Variants in MAML3 observed in about 807,000 individuals in gnomAD.
MAML3 encodes mastermind-like protein 3.
Under a neutral mutation model 101.9 loss-of-function variants are expected in MAML3, and 27 were observed. That is an observed-to-expected ratio of 0.27 (90% CI 0.20 to 0.37). The LOEUF (loss-of-function observed/expected upper bound fraction) is 0.37. Ranked by LOEUF, MAML3 falls within the 10% of genes least tolerant of loss-of-function variation. The pLI, the probability that MAML3 is intolerant of heterozygous loss-of-function variation, is 1.00. For missense variants in MAML3, 1,316 were observed against 1,444.9 expected (o/e 0.91, Z 1.45); for synonymous variants, 501 against 555.9 (o/e 0.90, Z 1.39).
intron 2 of MAML3, among the ~76,000 whole-genome samples, chr4:139,873,041 C>T (rs980965105): frequency 6.6e-6 from 1 of 152,054 alleles, no homozygotes; most frequent in Admixed American, 6.6e-5. Context: ...GAGATTGTGC[C>T]ACTGCACTCC....
chr4:139,797,703 C>T (rs913373349), intron 2 of MAML3, among the ~76,000 whole-genome samples: 1 of 152,018 alleles, frequency 6.6e-6, no homozygotes, highest in Non-Finnish European at 1.5e-5. Flanking sequence ...TTTAAAGATA[C>T]TTCAACAAGA....
intron 1 of MAML3, among the ~76,000 whole-genome samples, chr4:139,955,014 T>A (rs1291751598): frequency 6.6e-6 from 1 of 152,028 alleles, no homozygotes; most frequent in African/African-American, 2.4e-5. Context: ...GCAGGAGAAA[T>A]GTCTTAAGGA....
At chr4:140,012,609 T>C (rs1049983427) in intron 1 of MAML3, among the ~76,000 whole-genome samples, 1 of 152,242 alleles carries the variant, frequency 6.6e-6, no homozygotes, top group Non-Finnish European at 1.5e-5. Context: ...CTAAGTTCCA[T>C]CTTGGGCATT....
intron 1 of MAML3, among the ~76,000 whole-genome samples, chr4:140,110,255 C>T (rs1260997841): frequency 1.3e-5 from 2 of 152,236 alleles, no homozygotes; most frequent in East Asian, 1.9e-4. Flanking sequence ...ACCAACAAAA[C>T]GCTTGCACAG....
chr4:139,894,291 G>A (rs938285237), intron 1 of MAML3, among the ~76,000 whole-genome samples: 2 of 152,008 alleles, frequency 1.3e-5, no homozygotes, highest in East Asian at 1.9e-4. Flanking sequence ...TGGGCAGATC[G>A]CGAGGTCAAG....
intron 1 of MAML3, among the ~76,000 whole-genome samples, chr4:140,016,173 A>G (rs547693204): frequency 5.2e-4 from 79 of 152,362 alleles, no homozygotes; most frequent in African/African-American, 1.8e-3. Context: ...AAAGTTGAGA[A>G]TAGAGTACCA....
At chr4:139,861,180 G>T (rs559049257) in intron 2 of MAML3, among the ~76,000 whole-genome samples, 1 of 151,990 alleles carries the variant, frequency 6.6e-6, no homozygotes, top group East Asian at 1.9e-4. Context: ...TCTCACTCCT[G>T]CCCAGCTGTC....
intron 1 of MAML3, among the ~76,000 whole-genome samples, chr4:140,046,972 C>CT (rs1358948707): frequency 6.6e-6 from 1 of 152,060 alleles, no homozygotes; most frequent in East Asian, 1.9e-4. Context: ...AAAGACAACT[C>CT]TAAGTAGAAG....
At chr4:140,063,366 G>T (rs1727478968) in intron 1 of MAML3, among the ~76,000 whole-genome samples, 1 of 152,104 alleles carries the variant, frequency 6.6e-6, no homozygotes, top group African/African-American at 2.4e-5. Context: ...AAGATGCATA[G>T]ATAGATCCTT....
intron 2 of MAML3, among the ~76,000 whole-genome samples, chr4:139,790,845 G>A (rs1476326978): frequency 2.0e-5 from 3 of 152,152 alleles, no homozygotes; most frequent in African/African-American, 4.8e-5. Flanking sequence ...GAATAATGCT[G>A]TACCTGAGTA....
At chr4:140,042,776 C>T (rs1429527139) in intron 1 of MAML3, among the ~76,000 whole-genome samples, 1 of 152,148 alleles carries the variant, frequency 6.6e-6, no homozygotes, top group African/African-American at 2.4e-5. Flanking sequence ...GACTGCGGAG[C>T]TTCCTGTGGG....
At chr4:140,081,045 T>A (rs1276416438) in intron 1 of MAML3, among the ~76,000 whole-genome samples, 1 of 152,086 alleles carries the variant, frequency 6.6e-6, no homozygotes, top group Admixed American at 6.6e-5. Context: ...TGAAGGAAAA[T>A]GTTACAATGC....
At chr4:139,756,650 C>A (rs899997437) in intron 2 of MAML3, among the ~76,000 whole-genome samples, 3 of 152,176 alleles carry the variant, frequency 2.0e-5, no homozygotes, top group Non-Finnish European at 4.4e-5. Context: ...TAGGCTCCTA[C>A]CAGCATGGAC....
intron 2 of MAML3, among the ~76,000 whole-genome samples, chr4:139,792,813 C>T (rs1295362834): frequency 2.0e-5 from 3 of 150,476 alleles, no homozygotes; most frequent in Non-Finnish European, 4.4e-5. Context: ...GGTGCAATCT[C>T]GGCTCACTGC....
chr4:139,823,738 C>G (rs754649799), intron 2 of MAML3, among the ~76,000 whole-genome samples: 4 of 151,250 alleles, frequency 2.6e-5, no homozygotes, highest in Non-Finnish European at 4.4e-5. Context: ...TGCTTAATGT[C>G]TGCTAGAACG....
intron 1 of MAML3, among the ~76,000 whole-genome samples, chr4:140,056,359 CTT>C (rs531466780): frequency 1.4e-4 from 20 of 143,690 alleles, no homozygotes; most frequent in Middle Eastern, 3.6e-3. Flanking sequence ...CTTTTCTTTT[CTT>C]TTTTTTTTTT....
intron 1 of MAML3, among the ~76,000 whole-genome samples, chr4:139,997,542 A>G (rs1461331830): frequency 2.0e-5 from 3 of 152,108 alleles, no homozygotes; most frequent in East Asian, 3.8e-4. Context: ...TGTTAAAATT[A>G]TTACTTTATA....
chr4:140,056,362 T>TC (rs1376402604), intron 1 of MAML3, among the ~76,000 whole-genome samples: 1 of 150,966 alleles, frequency 6.6e-6, no homozygotes, highest in Non-Finnish European at 1.5e-5. Context: ...TTCTTTTCTT[T>TC]TTTTTTTTTT....
At chr4:140,097,399 C>G (rs1002365451) in intron 1 of MAML3, among the ~76,000 whole-genome samples, 1 of 152,114 alleles carries the variant, frequency 6.6e-6, no homozygotes. Flanking sequence ...AAGACGAAGC[C>G]GAGGTTTTGT....
Sources: gnomAD v4.1 joint callset for allele counts (sites outside exome capture counted in the v4.1 genomes callset) on GRCh38, gnomAD v4.1.1 for gene constraint, MANE v1.5 for transcripts, NCBI Gene and HGNC (gene_info 2026-07-23, HGNC 2026-07-21) for gene names.